Variants in RHOU observed in about 807,000 individuals in gnomAD.
The protein encoded by RHOU is rho-related GTP-binding protein RhoU.
In RHOU, 8 loss-of-function variants were observed where a neutral mutation model predicts 12.6. The ratio of observed to expected loss-of-function variants is 0.64; its 90% CI spans 0.37 to 1.15. RHOU has a LOEUF of 1.15. Ranked by LOEUF, RHOU falls within the 50% of genes most tolerant of loss-of-function variation. The pLI is 0.01. For synonymous variants in RHOU, 161 were observed against 147.4 expected (o/e 1.09, Z -0.67); for missense variants, 258 against 347.0 (o/e 0.74, Z 2.04).
the RHOU span, among the ~76,000 whole-genome samples, chr1:228,724,948 C>T: frequency 6.6e-6 from 1 of 152,218 alleles, no homozygotes; most frequent in African/African-American, 2.4e-5. Flanking sequence ...TGATCTGCTT[C>T]ATTTTCTTTC....
At chr1:228,652,050 C>G in the RHOU span, among the ~76,000 whole-genome samples, 1 of 152,226 alleles carries the variant, frequency 6.6e-6, no homozygotes, top group African/African-American at 2.4e-5. Context: ...TGATACAAAT[C>G]TACACTTGAA....
At chr1:228,735,160 G>C (rs1370154104), upstream of RHOU, 1 of 152,250 alleles carries the variant, frequency 6.6e-6, no homozygotes, top group Non-Finnish European at 1.5e-5. The surrounding 1 kb of genome is among the most constrained non-coding windows in gnomAD (Gnocchi z 8.1). Flanking sequence ...GGCCAGTCGC[G>C]CGGTGGTCAC....
chr1:228,739,278 A>G (rs1662674139), intron 2 of RHOU, among the ~76,000 whole-genome samples: 1 of 152,144 alleles, frequency 6.6e-6, no homozygotes, highest in African/African-American at 2.4e-5. Context: ...GTTTTAAAAC[A>G]TGGCCAGCCA....
the RHOU span, among the ~76,000 whole-genome samples, chr1:228,676,138 C>A: frequency 2.7e-5 from 4 of 150,828 alleles, no homozygotes; most frequent in Non-Finnish European, 5.9e-5. Flanking sequence ...ACCGCCCCCC[C>A]CCTTTTTTTT....
Position 228,735,935 on chromosome 1 carries a change from C to G in RHOU, c.193C>G (p.Leu65Val). 6.3e-7 allele frequency: 1 copy of G among 1,574,900 alleles called. No homozygotes were observed. Among genetic ancestry groups the G allele is most frequent in the Non-Finnish European group, 8.6e-7 (1 of 1,164,016 alleles). ...VGDGAVGKTSLVVSYTTNGYP... is the reference protein window; with the variant it reads ...VGDGAVGKTSVVVSYTTNGYP... ...CGACGGCGCGGTGGGCAAGACGAGC[C>G]TGGTGGTGAGCTACACCACCAACGG... The change falls in exon 1 of 3, where the codon CTG becomes GTG. Residue 65 changes from leucine to valine, a missense_variant. Leu to Val is a conservative substitution (Grantham distance 32, BLOSUM62 1). Transcript: ENST00000366691. The surrounding 1 kb of genome is among the most constrained non-coding windows in gnomAD (Gnocchi z 8.1).
At chr1:228,673,621 C>T in the RHOU span, among the ~76,000 whole-genome samples, 3 of 152,308 alleles carry the variant, frequency 2.0e-5, 1 homozygote, top group South Asian at 2.1e-4. Flanking sequence ...GCACCTTCCC[C>T]TTCACTCTCT....
chr1:228,727,167 C>G, the RHOU span, among the ~76,000 whole-genome samples: 1 of 152,186 alleles, frequency 6.6e-6, no homozygotes, highest in African/African-American at 2.4e-5. Flanking sequence ...TAGCTAATGA[C>G]TACACCTCTG....
Position 228,735,928 on chromosome 1 carries a change from G to A in RHOU, c.186G>A (p.Lys62=), listed in dbSNP as rs376505690. The A allele has an allele frequency of 6.4e-7, 1 of 1,571,464 alleles. No homozygotes were observed. Among genetic ancestry groups the A allele is most frequent in the African/African-American group, 1.4e-5 (1 of 71,182 alleles). ...CVLVGDGAVG[K]TSLVVSYTTN... ...TGGTCGGCGACGGCGCGGTGGGCAAGACGAGCCTGGTGGTGAGCTACACCA... is the reference window on the plus strand; with the variant it reads ...TGGTCGGCGACGGCGCGGTGGGCAAAACGAGCCTGGTGGTGAGCTACACCA... Residue 62 remains lysine (K), a synonymous_variant, in exon 1 of 3, where the codon AAG becomes AAA. Coordinates refer to ENST00000366691, the MANE Select transcript of RHOU (RefSeq NM_021205.6). The surrounding 1 kb of genome is among the most constrained non-coding windows in gnomAD (Gnocchi z 8.1).
Position 228,738,773 on chromosome 1 carries a change from C to A in RHOU, c.321+1042C>A, listed in dbSNP as rs970029526. Among the ~76,000 whole-genome samples, 5 of 152,142 alleles carry A rather than the reference C, an allele frequency of 3.3e-5. No homozygotes were observed. Among genetic ancestry groups the A allele is most frequent in the Non-Finnish European group, 5.9e-5 (4 of 68,036 alleles). On this transcript the variant is annotated intron_variant, in intron 2 of 2. Coordinates refer to ENST00000366691, the MANE Select transcript of RHOU (RefSeq NM_021205.6). This position sits in a 1 kb window ranked among gnomAD's most constrained non-coding sequence, Gnocchi z 4.2. ...CAAGGAACACCGGGCTGGTGCAGGC[C>A]ATAGCTTGGGAGCACTTCAGCTTGG...
chr1:228,694,601 C>T, the RHOU span, among the ~76,000 whole-genome samples: 2,247 of 152,208 alleles, frequency 0.015, 55 homozygotes, highest in African/African-American at 0.05. Flanking sequence ...CATTACTTTG[C>T]TGAGTATAAT....
chr1:228,665,858 C>T, the RHOU span, among the ~76,000 whole-genome samples: 1 of 152,162 alleles, frequency 6.6e-6, no homozygotes, highest in Non-Finnish European at 1.5e-5. Flanking sequence ...AGCAGTCCCT[C>T]CAGGGTCAGC....
chr1:228,727,532 TCTC>T, the RHOU span, among the ~76,000 whole-genome samples: 5 of 152,284 alleles, frequency 3.3e-5, no homozygotes, highest in South Asian at 1.0e-3. Context: ...GCTCGTTTCT[TCTC>T]AGACTGACAA....
chr1:228,691,000 A>C, the RHOU span, among the ~76,000 whole-genome samples: 1 of 152,142 alleles, frequency 6.6e-6, no homozygotes, highest in Non-Finnish European at 1.5e-5. Context: ...GTGCCTTCAA[A>C]TTAGGGAGGA....
At chr1:228,690,324 G>T in the RHOU span, among the ~76,000 whole-genome samples, 49 of 145,108 alleles carry the variant, frequency 3.4e-4, 1 homozygote, top group African/African-American at 7.5e-4. Context: ...TAGTTTGTTT[G>T]TTTTTTTTTT....
At chr1:228,662,448 T>C in the RHOU span, among the ~76,000 whole-genome samples, 1 of 152,182 alleles carries the variant, frequency 6.6e-6, no homozygotes, top group Admixed American at 6.5e-5. Context: ...CCATCAATGA[T>C]AGACTGGGTT....
the RHOU span, among the ~76,000 whole-genome samples, chr1:228,663,615 C>CTTTTTTTT: frequency 6.9e-5 from 6 of 86,708 alleles, no homozygotes; most frequent in Admixed American, 1.2e-4. Flanking sequence ...CTTTTCTTTT[C>CTTTTTTTT]TTTTCTTTTC....
the RHOU span, among the ~76,000 whole-genome samples, chr1:228,682,022 C>G: frequency 6.6e-6 from 1 of 152,116 alleles, no homozygotes; most frequent in African/African-American, 2.4e-5. Context: ...GCAGGCACAC[C>G]CTGCAATGAT....
chr1:228,725,737 C>G, the RHOU span, among the ~76,000 whole-genome samples: 2,976 of 152,196 alleles, frequency 0.02, 107 homozygotes, highest in African/African-American at 0.068. Flanking sequence ...AAATTTTGAC[C>G]AATTACAAAG....
At chr1:228,710,510 G>A in the RHOU span, among the ~76,000 whole-genome samples, 9 of 152,002 alleles carry the variant, frequency 5.9e-5, no homozygotes, top group Middle Eastern at 3.2e-3. Flanking sequence ...TTCAATATAC[G>A]CAAATCAATA....
Sources: allele counts gnomAD v4.1 joint callset (sites outside exome capture counted in the v4.1 genomes callset), GRCh38; gene constraint gnomAD v4.1.1; non-coding constraint Gnocchi (gnomAD v3.1); transcripts MANE v1.5; gene names NCBI Gene and HGNC (gene_info 2026-07-23, HGNC 2026-07-21).